The following STX8 variants were observed in gnomAD, a reference collection of about 807,000 sequenced individuals.
STX8 encodes the protein syntaxin-8.
Under a neutral mutation model 37.5 loss-of-function variants are expected in STX8, and 23 were observed. That is an observed-to-expected ratio of 0.61 (90% CI 0.44 to 0.87). The LOEUF is 0.87. STX8 is among the 40% of genes least tolerant of loss of function. The pLI, the probability that STX8 is intolerant of heterozygous loss-of-function variation, is 0.00. For missense variants in STX8, 313 were observed against 284.7 expected (o/e 1.10, Z -0.71); for synonymous variants, 115 against 99.1 (o/e 1.16, Z -0.95).
At chr17:9,409,338 C>T (rs770540753) in intron 6 of STX8, among the ~76,000 whole-genome samples, 1 of 152,124 alleles carries the variant, frequency 6.6e-6, no homozygotes, top group Admixed American at 6.5e-5. Context: ...TATGAAAGTG[C>T]TAAGGAGAAT....
At position 9,489,038 on chromosome 17, in the gene STX8, G is replaced by A. The variant is rs1036437669; in HGVS notation, c.541+2791C>T. 3.9e-5 allele frequency among the ~76,000 whole-genome samples: 6 copies of A among 152,056 alleles called. No individual in the cohort carries two copies. In the East Asian group the frequency reaches 9.7e-4, roughly 25 times the overall value. Reference sequence around the variant, plus strand: ...ACTACAGGCGCCTGCCACCACGCCCGGCTAATTTTTGTATGTTTAGTACAG... The same window carrying A: ...ACTACAGGCGCCTGCCACCACGCCCAGCTAATTTTTGTATGTTTAGTACAG... On this transcript the variant is annotated intron_variant, in intron 6 of 7. Coordinates refer to ENST00000306357, the MANE Select transcript of STX8 (RefSeq NM_004853.3).
chr17:9,314,421 G>A (rs1044119040), intron 7 of STX8, among the ~76,000 whole-genome samples: 2 of 151,810 alleles, frequency 1.3e-5, no homozygotes, highest in Admixed American at 6.6e-5. Flanking sequence ...TTTTTGAGAC[G>A]GAGTCTCACT....
At chr17:9,458,399 T>C (rs1407612512) in intron 6 of STX8, among the ~76,000 whole-genome samples, 1 of 151,356 alleles carries the variant, frequency 6.6e-6, no homozygotes, top group Non-Finnish European at 1.5e-5. Context: ...TCCGCCCGCC[T>C]TGGCCTCCCA....
intron 6 of STX8, among the ~76,000 whole-genome samples, chr17:9,485,528 G>T (rs779944280): frequency 4.0e-5 from 6 of 151,738 alleles, no homozygotes; most frequent in Non-Finnish European, 5.9e-5. Flanking sequence ...TATCACAGAG[G>T]AAAAACTAGG....
Position 9,359,901 on chromosome 17 carries a change from C to A in STX8, c.643+18651G>T, listed in dbSNP as rs557087476. Among the ~76,000 whole-genome samples, 6 of 151,990 alleles carry A rather than the reference C, an allele frequency of 3.9e-5. No homozygotes were observed. The South Asian group carries it at 1.0e-3, about 26-fold the overall frequency. ...CTCTTTGGTGGGTCCTGTTTCCAGG[C>A]AGATAAGGGAGCTTCAGAGAAGAGC... On this transcript the variant is annotated intron_variant, in intron 7 of 7. Transcript: ENST00000306357.
chr17:9,389,939 G>A (rs1019518050), intron 6 of STX8, among the ~76,000 whole-genome samples: 1 of 152,108 alleles, frequency 6.6e-6, no homozygotes, highest in African/African-American at 2.4e-5. Flanking sequence ...AGAGAACAGG[G>A]ACACAAGGAA....
chr17:9,450,955 A>C (rs1009890493), intron 6 of STX8, among the ~76,000 whole-genome samples: 2 of 152,146 alleles, frequency 1.3e-5, no homozygotes, highest in African/African-American at 4.8e-5. Flanking sequence ...AAGATTTGCC[A>C]AGCATGGACT....
intron 7 of STX8, among the ~76,000 whole-genome samples, chr17:9,293,383 C>T (rs538737563): frequency 6.6e-6 from 1 of 152,148 alleles, no homozygotes; most frequent in Non-Finnish European, 1.5e-5. Context: ...TGTCTGCAGC[C>T]ACTGCCTTAC....
At chr17:9,470,783 G>C (rs1489255082) in intron 6 of STX8, among the ~76,000 whole-genome samples, 1 of 152,056 alleles carries the variant, frequency 6.6e-6, no homozygotes, top group African/African-American at 2.4e-5. Context: ...CTGGAGTGCA[G>C]TGGCACAATC....
At chr17:9,532,253 A>C (rs1041302458) in intron 4 of STX8, among the ~76,000 whole-genome samples, 1 of 152,210 alleles carries the variant, frequency 6.6e-6, no homozygotes, top group African/African-American at 2.4e-5. Context: ...AAAAACTTCG[A>C]ATAGCTACTC....
intron 7 of STX8, among the ~76,000 whole-genome samples, chr17:9,371,592 G>A (rs59745788): frequency 0.011 from 1,612 of 151,468 alleles, 31 homozygotes; most frequent in African/African-American, 0.036. Context: ...CCTAGCATTT[G>A]GGCATTCTCT....
intron 6 of STX8, among the ~76,000 whole-genome samples, chr17:9,446,520 G>C (rs1372106091): frequency 3.9e-5 from 6 of 152,156 alleles, no homozygotes; most frequent in Non-Finnish European, 8.8e-5. Flanking sequence ...TTTCTTCAAG[G>C]CTGGTGAGGA....
intron 6 of STX8, among the ~76,000 whole-genome samples, chr17:9,473,910 T>C (rs1905987861): frequency 6.6e-6 from 1 of 152,150 alleles, no homozygotes; most frequent in Non-Finnish European, 1.5e-5. Flanking sequence ...GGTAGGCTCT[T>C]AGACAATTTC....
At chr17:9,474,558 C>T (rs902615336) in intron 6 of STX8, among the ~76,000 whole-genome samples, 2 of 152,120 alleles carry the variant, frequency 1.3e-5, no homozygotes, top group Non-Finnish European at 2.9e-5. Context: ...CTGACATTAC[C>T]CAGAGTTAGC....
At chr17:9,408,458 T>C (rs1912870957) in intron 6 of STX8, among the ~76,000 whole-genome samples, 1 of 152,220 alleles carries the variant, frequency 6.6e-6, no homozygotes, top group Non-Finnish European at 1.5e-5. Flanking sequence ...CCCTGGGTTA[T>C]GAATCAGTCT....
At chr17:9,320,724 C>A (rs1353282418) in intron 7 of STX8, among the ~76,000 whole-genome samples, 1 of 147,138 alleles carries the variant, frequency 6.8e-6, no homozygotes, top group Non-Finnish European at 1.5e-5. Flanking sequence ...GAAACCTCAT[C>A]TCTATTAAAA....
intron 7 of STX8, among the ~76,000 whole-genome samples, chr17:9,308,989 C>T (rs1909098316): frequency 6.7e-6 from 1 of 149,860 alleles, no homozygotes; most frequent in Admixed American, 6.7e-5. Flanking sequence ...GCCTAGTTTT[C>T]TTTTTTTTTC....
intron 4 of STX8, among the ~76,000 whole-genome samples, chr17:9,506,529 G>A (rs906961205): frequency 6.6e-6 from 1 of 151,738 alleles, no homozygotes; most frequent in Non-Finnish European, 1.5e-5. Context: ...CCCCTGTGGT[G>A]ACTGAAAGTC....
At chr17:9,327,227 G>A (rs1268536415) in intron 7 of STX8, among the ~76,000 whole-genome samples, 4 of 149,190 alleles carry the variant, frequency 2.7e-5, no homozygotes, top group Non-Finnish European at 5.9e-5. Context: ...GGAGGAAGAA[G>A]GAGGAAGGAG....
Sources: allele counts gnomAD v4.1 joint callset (sites outside exome capture counted in the v4.1 genomes callset), GRCh38; gene constraint gnomAD v4.1.1; transcripts MANE v1.5; gene names NCBI Gene and HGNC (gene_info 2026-07-23, HGNC 2026-07-21).